Variants in DNAJC2 observed in about 807,000 individuals in gnomAD.
DNAJC2 encodes the protein dnaJ homolog subfamily C member 2.
DNAJC2 carries 32 observed loss-of-function variants against 94.0 expected under a neutral mutation model. The ratio of observed to expected loss-of-function variants is 0.34; its 90% confidence interval spans 0.26 to 0.46. The LOEUF (loss-of-function observed/expected upper bound fraction) is 0.46, where lower values mean the gene tolerates loss of function less well. DNAJC2 is among the 20% of genes least tolerant of loss of function. The pLI is 1.00. For synonymous variants in DNAJC2, 210 were observed against 229.7 expected (o/e 0.91, Z 0.77); for missense variants, 550 against 719.5 (o/e 0.76, Z 2.69).
At chr7:103,317,602 G>A (rs898426940) in intron 12 of DNAJC2, among the ~76,000 whole-genome samples, 13 of 152,066 alleles carry the variant, frequency 8.5e-5, no homozygotes, top group African/African-American at 3.1e-4. Flanking sequence ...TGCTAACCTT[G>A]AAAAATTTTT....
chr7:103,341,153 C>G (rs1177249682), intron 2 of DNAJC2, among the ~76,000 whole-genome samples: 1 of 152,204 alleles, frequency 6.6e-6, no homozygotes, highest in Admixed American at 6.5e-5. Context: ...ACAGGTCTGC[C>G]TTAGTGCACT....
intron 1 of DNAJC2, among the ~76,000 whole-genome samples, chr7:103,343,995 AAAAC>A (rs1257999406): frequency 2.0e-5 from 3 of 152,274 alleles, no homozygotes; most frequent in Admixed American, 1.3e-4. Flanking sequence ...CCATAAAACT[AAAAC>A]CTACAGCAGC....
chr7:103,317,472 A>G (rs891055682), intron 12 of DNAJC2: 3 of 153,962 alleles, frequency 1.9e-5, no homozygotes, highest in African/African-American at 7.2e-5. Flanking sequence ...ACCTTCAAAC[A>G]TGCACAAGTA....
At chr7:103,319,301 G>C (rs564208776) in intron 12 of DNAJC2, among the ~76,000 whole-genome samples, 11 of 152,284 alleles carry the variant, frequency 7.2e-5, no homozygotes, top group Non-Finnish European at 1.3e-4. Context: ...GCCAGGTGTG[G>C]TGTTGTGCGC....
intron 3 of DNAJC2, 65 bp downstream of exon 3, chr7:103,337,670 TA>T (rs772280409): frequency 3.6e-5 from 47 of 1,294,128 alleles, no homozygotes; most frequent in Non-Finnish European, 5.0e-5. Context: ...GTATATCTTT[TA>T]AAAAGCATAG....
At chr7:103,320,588 G>A (rs1401363476) in intron 10 of DNAJC2, among the ~76,000 whole-genome samples, 4 of 151,044 alleles carry the variant, frequency 2.6e-5, no homozygotes, top group Admixed American at 1.3e-4. Context: ...GTGAAACCCC[G>A]TCTCTACTAA....
Position 103,312,610 on chromosome 7 carries a change from CA to C in DNAJC2, c.1824del (p.Ala609LeufsTer6), listed in dbSNP as rs1263901916. 6.2e-7 allele frequency: 1 copy of C among 1,613,690 alleles called. No individual in the cohort carries two copies. Among genetic ancestry groups the C allele is most frequent in the Non-Finnish European group, 8.5e-7 (1 of 1,179,836 alleles). ...CTTGCATTCAGCACTTGTTCTTGAG[CA>C]GCTTTCTTTGCTTTTACCATCTCGA... ...ELVEMVKAKK[A>X]AQEQVLNASR... On this transcript the variant is annotated frameshift_variant, in exon 17 of 17. Transcript: ENST00000379263. LOFTEE classifies it high-confidence loss of function.
intron 15 of DNAJC2, chr7:103,313,522 C>T: frequency 1.0e-6 from 1 of 984,332 alleles, no homozygotes; most frequent in Non-Finnish European, 1.2e-6. Flanking sequence ...CACAGTTAAA[C>T]TTTTGCTGGA....
chr7:103,337,949 G>A (rs1221445264), intron 2 of DNAJC2, 138 bp from the exon 3 acceptor site: 17 of 635,914 alleles, frequency 2.7e-5, no homozygotes, highest in Non-Finnish European at 4.4e-5. Flanking sequence ...TATAAACCAG[G>A]GTCTATGGTC....
rs201845119 is a variant in DNAJC2 at position 103,330,232 on chromosome 7, CTA to C, written c.332-2480_332-2479del. ...CTAAGTTGGATTCCTGAGAGAAACTCTATGTGTTCATGAACACTATTATTCTT... is the reference window on the plus strand; with the variant it reads ...CTAAGTTGGATTCCTGAGAGAAACTCTGTGTTCATGAACACTATTATTCTT... On this transcript the variant is annotated intron_variant, in intron 3 of 16. Transcript: ENST00000379263. 6.4e-3 allele frequency among the ~76,000 whole-genome samples: 979 copies of C among 152,192 alleles called. 5 individuals carry two copies. Among genetic ancestry groups the C allele is most frequent in the Non-Finnish European group, 8.6e-3 (585 of 67,994 alleles).
intron 10 of DNAJC2, chr7:103,321,010 C>T (rs1257908336): frequency 6.6e-6 from 1 of 151,992 alleles, no homozygotes; most frequent in East Asian, 2.0e-4. Flanking sequence ...CCAGCCTGGC[C>T]AACATGGTGA....
chr7:103,337,577 G>A, intron 3 of DNAJC2, 159 bp downstream of exon 3: 2 of 579,792 alleles, frequency 3.4e-6, no homozygotes, highest in Non-Finnish European at 6.1e-6. Context: ...GATTCTGAAG[G>A]CAGGGGAGAC....
chr7:103,339,281 T>C (rs1220337758), intron 2 of DNAJC2, among the ~76,000 whole-genome samples: 1 of 152,226 alleles, frequency 6.6e-6, no homozygotes, highest in Non-Finnish European at 1.5e-5. Context: ...CCATATTTGA[T>C]GAATGAAAAT....
In DNAJC2 at chr7:103,330,784, G is replaced by C. The variant is rs187928445; in HGVS notation, c.332-3030C>G. On this transcript the variant is annotated intron_variant, in intron 3 of 16. Transcript: ENST00000379263. ...TTTTGTAGGGGAGGGGTTTCGTCATGTTGGCCAGGCTGGTCTTGAACTCCT... is the reference window on the plus strand; with the variant it reads ...TTTTGTAGGGGAGGGGTTTCGTCATCTTGGCCAGGCTGGTCTTGAACTCCT... Among the ~76,000 whole-genome samples the C allele has an allele frequency of 4.7e-4, 71 of 150,126 alleles. 1 individual carries two copies. The East Asian group carries it at 0.011, about 23-fold the overall frequency.
At chr7:103,344,460 G>A in intron 1 of DNAJC2, 99 bp downstream of exon 1, 2 of 1,397,474 alleles carry the variant, frequency 1.4e-6, no homozygotes, top group African/African-American at 1.4e-5. Flanking sequence ...GGGGCTAGTC[G>A]CCAGGGTCAA....
chr7:103,314,184 C>T, intron 15 of DNAJC2: 1 of 985,214 alleles, frequency 1.0e-6, no homozygotes, highest in Non-Finnish European at 1.2e-6. Context: ...GGTTTAAAGC[C>T]CTAAATACCA....
At chr7:103,326,438 T>C (rs1317317063) in intron 5 of DNAJC2, 105 bp downstream of exon 5, 6 of 1,162,472 alleles carry the variant, frequency 5.2e-6, no homozygotes, top group African/African-American at 3.1e-5. Flanking sequence ...ACAGTGGAAA[T>C]AATCTATAAA....
chr7:103,332,417 C>T (rs1052592428), intron 3 of DNAJC2, among the ~76,000 whole-genome samples: 1 of 150,992 alleles, frequency 6.6e-6, no homozygotes, highest in African/African-American at 2.5e-5. Flanking sequence ...ACTCAGATTA[C>T]ATTAAACTTT....
chr7:103,312,351 C>A lies in DNAJC2; in HGVS notation c.*218G>T. On this transcript the variant is annotated 3_prime_UTR_variant, in exon 17 of 17. Coordinates refer to ENST00000379263, the MANE Select transcript of DNAJC2 (RefSeq NM_014377.3). ...AAAAATAAAAATGAACATGTATATACATTTGGAAATTTGAATTAAATACTG... is the reference window on the plus strand; with the variant it reads ...AAAAATAAAAATGAACATGTATATAAATTTGGAAATTTGAATTAAATACTG... The A allele has an allele frequency of 6.4e-7, 1 of 1,573,208 alleles. No individual in the cohort carries two copies.
Sources: allele counts gnomAD v4.1 joint callset (sites outside exome capture counted in the v4.1 genomes callset), GRCh38; gene constraint gnomAD v4.1.1; transcripts MANE v1.5; gene names NCBI Gene and HGNC (gene_info 2026-07-23, HGNC 2026-07-21).